Variants in CCDC47 observed in about 807,000 individuals in gnomAD.
CCDC47 encodes the protein coiled-coil domain containing 47.
Under a neutral mutation model 60.5 loss-of-function variants are expected in CCDC47, and 41 were observed. The observed-to-expected ratio is 0.68, with a 90% CI of 0.53 to 0.88. CCDC47 has a LOEUF of 0.88. CCDC47 is among the 40% of genes least tolerant of loss of function. The pLI is 0.00. For synonymous variants in CCDC47, 195 were observed against 190.7 expected (o/e 1.02, Z -0.18); for missense variants, 513 against 580.9 (o/e 0.88, Z 1.20).
chr17:63,753,965 G>C (rs1282772832), intron 9 of CCDC47, among the ~76,000 whole-genome samples: 5 of 152,118 alleles, frequency 3.3e-5, no homozygotes, highest in African/African-American at 1.2e-4. Flanking sequence ...AATTAGCCGA[G>C]CGTGGTGGTG....
At chr17:63,752,496 C>CTT (rs1235641713) in intron 10 of CCDC47, 67 bp from the exon 11 acceptor site, 107 of 888,592 alleles carry the variant, frequency 1.2e-4, no homozygotes, top group Non-Finnish European at 1.4e-4. Flanking sequence ...TCACCCAACT[C>CTT]TTTTTTTTTT....
At position 63,747,691 on chromosome 17, in the gene CCDC47, G is replaced by A. The variant is rs755133884; in HGVS notation, c.1372-730C>T. ...CAAACTTCTTATTTTTAGGGTACTG[G>A]GGTAAAAATGTGCTCAGAAATATAC... On this transcript the variant is annotated intron_variant, in intron 12 of 12. Transcript: ENST00000225726. The A allele has an allele frequency of 4.9e-5, 48 of 985,096 alleles. 1 individual carries two copies. Among genetic ancestry groups the A allele is most frequent in the Middle Eastern group, 5.2e-4 (1 of 1,936 alleles). The allele number at this position is 985,096 out of a possible 1,614,324, so 61.0% of individuals were successfully genotyped here.
At chr17:63,764,361 T>C (rs2039282365) in intron 3 of CCDC47, among the ~76,000 whole-genome samples, 171 bp from the exon 4 acceptor site, 1 of 152,302 alleles carries the variant, frequency 6.6e-6, no homozygotes, top group East Asian at 1.9e-4. Flanking sequence ...TAGGCTAGCT[T>C]GATAAAAGAT....
At chr17:63,765,861 G>A (rs1598311323) in intron 2 of CCDC47, 51 bp downstream of exon 2, 1 of 1,537,298 alleles carries the variant, frequency 6.5e-7, no homozygotes, top group Non-Finnish European at 8.8e-7. Context: ...TAATGTTTGG[G>A]AAAGGTGCTA....
At chr17:63,751,365 CAAAAAAAAAAAAAAAAAAA>C (rs59161342) in intron 12 of CCDC47, among the ~76,000 whole-genome samples, 950 of 29,516 alleles carry the variant, frequency 0.032, 21 homozygotes, top group African/African-American at 0.092. Context: ...GACTCCATCT[CAAAAAAAAAAAAAAAAAAA>C]AAAAAAAAAA....
intron 6 of CCDC47, among the ~76,000 whole-genome samples, chr17:63,757,096 C>T (rs2039213054): frequency 6.6e-6 from 1 of 150,836 alleles, no homozygotes; most frequent in South Asian, 2.1e-4. Context: ...CATGGTGGCT[C>T]ACACCTGTAA....
chr17:63,763,849 T>A (rs2039278376), intron 4 of CCDC47, among the ~76,000 whole-genome samples, 167 bp downstream of exon 4: 2 of 149,452 alleles, frequency 1.3e-5, no homozygotes, highest in African/African-American at 2.5e-5. Context: ...ATAATAAAAT[T>A]AAATTAAATT....
At chr17:63,764,369 G>C (rs865876893) in intron 3 of CCDC47, among the ~76,000 whole-genome samples, 179 bp from the exon 4 acceptor site, 7 of 152,130 alleles carry the variant, frequency 4.6e-5, no homozygotes, top group African/African-American at 1.7e-4. Context: ...CTTGATAAAA[G>C]ATTCTTTAAG....
At chr17:63,763,964 C>G in intron 4 of CCDC47, 52 bp downstream of exon 4, 1 of 1,479,036 alleles carries the variant, frequency 6.8e-7, no homozygotes, top group East Asian at 2.3e-5. Context: ...ATACATCATC[C>G]TTACCAGATT....
At chr17:63,763,940 T>C (rs995611809) in intron 4 of CCDC47, 76 bp downstream of exon 4, 1 of 1,207,730 alleles carries the variant, frequency 8.3e-7, no homozygotes, top group Admixed American at 2.8e-5. Flanking sequence ...AGTTAGATGC[T>C]TATACTGAGG....
At chr17:63,772,400 C>T in intron 1 of CCDC47, among the ~76,000 whole-genome samples, 1 of 151,798 alleles carries the variant, frequency 6.6e-6, no homozygotes, top group East Asian at 2.0e-4. Context: ...ACTACAGGCG[C>T]TCGCCACCAC....
chr17:63,754,336 A>G lies in CCDC47; in HGVS notation c.1034+97T>C, dbSNP rs1425111124. On this transcript the variant is annotated intron_variant, in intron 9 of 12. Coordinates refer to ENST00000225726, the MANE Select transcript of CCDC47 (RefSeq NM_020198.3). ...GAGGCCTGTCACCAACTTCCTTCAC[A>G]CATTTGGTAAGGGATATTGCAGAAG... 12 of 737,540 alleles carry G rather than the reference A, an allele frequency of 1.6e-5. No individual in the cohort carries two copies. The East Asian group carries it at 3.0e-4, about 19-fold the overall frequency. The allele number at this position is 737,540 out of a possible 1,614,324, so 45.7% of individuals were successfully genotyped here.
At position 63,753,452 on chromosome 17, in the gene CCDC47, G is replaced by A. The variant is rs143031937; in HGVS notation, c.1035-653C>T. ...AGGCATAAGGACCTGAGTAATCTTA[G>A]TATACAACTAAAATCCAGATTGGCT... On this transcript the variant is annotated intron_variant, in intron 9 of 12. Coordinates refer to ENST00000225726, the MANE Select transcript of CCDC47 (RefSeq NM_020198.3). Among the ~76,000 whole-genome samples the A allele has an allele frequency of 1.1e-3, 168 of 152,312 alleles. 1 individual carries two copies. In the East Asian group the frequency reaches 0.012, roughly 11 times the overall value.
At chr17:63,761,183 A>G in intron 5 of CCDC47, 47 bp downstream of exon 5, 1 of 1,611,636 alleles carries the variant, frequency 6.2e-7, no homozygotes. Flanking sequence ...TCACAACTGG[A>G]CAAAATTAAG....
In CCDC47 at chr17:63,759,507, AAATATATATATATATATATTTATAT is replaced by A. The variant is rs1568249032; in HGVS notation, c.735+1382_735+1406del. On this transcript the variant is annotated intron_variant, in intron 6 of 12. Transcript: ENST00000225726. ...CTGTCTCCCAAAAAAAAAAAAAAAA[AAATATATATATATATATATTTATAT>A]ATATATATATATATATATATATATA... Among the ~76,000 whole-genome samples, 21 of 22,192 alleles carry A rather than the reference AAATATATATATATATATATTTATAT, an allele frequency of 9.5e-4. 2 individuals are homozygous for A. The African/African-American group carries it at 9.8e-3, about 10-fold the overall frequency. The allele number at this position is 22,192 out of a possible 152,430, so 14.6% of individuals were successfully genotyped here.
intron 6 of CCDC47, among the ~76,000 whole-genome samples, chr17:63,759,122 C>CT (rs199754493): frequency 0.017 from 2,583 of 152,078 alleles, 71 homozygotes; most frequent in African/African-American, 0.059. Flanking sequence ...TTTTAGTGGA[C>CT]TAAGTCATCA....
intron 1 of CCDC47, among the ~76,000 whole-genome samples, chr17:63,771,573 C>G (rs943945855): frequency 6.6e-6 from 1 of 152,284 alleles, no homozygotes; most frequent in East Asian, 1.9e-4. Context: ...CTTTAACCAT[C>G]TTTAGTTACT....
chr17:63,765,881 T>G (rs771196654), intron 2 of CCDC47, 31 bp downstream of exon 2: 1 of 1,583,366 alleles, frequency 6.3e-7, no homozygotes, highest in Non-Finnish European at 8.6e-7. Context: ...AGTTACAAAT[T>G]TTTCCAATAA....
At chr17:63,749,515 AG>A (rs1284917500) in intron 12 of CCDC47, among the ~76,000 whole-genome samples, 1 of 150,584 alleles carries the variant, frequency 6.6e-6, no homozygotes, top group East Asian at 1.9e-4. Flanking sequence ...GCACTTTGGG[AG>A]GCTGAAGCAG....
Sources: allele counts gnomAD v4.1 joint callset (sites outside exome capture counted in the v4.1 genomes callset), GRCh38; gene constraint gnomAD v4.1.1; transcripts MANE v1.5; gene names NCBI Gene and HGNC (gene_info 2026-07-23, HGNC 2026-07-21).